ETV6: variants seen among roughly 807,000 people sequenced by gnomAD.
ETV6 encodes the protein transcription factor ETV6.
A neutral mutation model predicts 51.1 loss-of-function variants in ETV6; 16 were observed. That is an observed-to-expected ratio of 0.31 (90% CI 0.21 to 0.48). The LOEUF (loss-of-function observed/expected upper bound fraction) is 0.48. Ranked by LOEUF, ETV6 falls within the 20% of genes least tolerant of loss-of-function variation. The pLI, the probability that ETV6 is intolerant of heterozygous loss-of-function variation, is 0.99. For synonymous variants in ETV6, 240 were observed against 224.1 expected (o/e 1.07, Z -0.64); for missense variants, 458 against 594.8 (o/e 0.77, Z 2.39).
At chr12:11,793,744 G>C (rs1230118345) in intron 2 of ETV6, among the ~76,000 whole-genome samples, 2 of 152,162 alleles carry the variant, frequency 1.3e-5, no homozygotes, top group Non-Finnish European at 2.9e-5. Context: ...TAGTTACCTT[G>C]CGTAGCGCTA....
intron 4 of ETV6, among the ~76,000 whole-genome samples, chr12:11,864,103 C>T (rs1946757918): frequency 6.6e-6 from 1 of 152,242 alleles, no homozygotes; most frequent in Non-Finnish European, 1.5e-5. Context: ...ATCCAAAGCA[C>T]TATCACCCTC....
chr12:11,662,011 A>C (rs1864109011), intron 1 of ETV6, among the ~76,000 whole-genome samples: 1 of 152,184 alleles, frequency 6.6e-6, no homozygotes, highest in South Asian at 2.1e-4. Context: ...ACTTTCGCCG[A>C]GACAGGCAGG....
chr12:11,658,680 GTCAC>G lies in ETV6; in HGVS notation c.33+8524_33+8527del, dbSNP rs780758069. Among the ~76,000 whole-genome samples the G allele has an allele frequency of 5.9e-5, 9 of 152,220 alleles. No individual in the cohort carries two copies. The South Asian group carries it at 6.2e-4, about 11-fold the overall frequency. ...CCATTGAGTTGTTCACAGGGCTGGG[GTCAC>G]TCAGTCAGTGCTCAAAAAAGCTCTT... On this transcript the variant is annotated intron_variant, in intron 1 of 7. Coordinates refer to ENST00000396373, the MANE Select transcript of ETV6 (RefSeq NM_001987.5).
At chr12:11,695,653 G>A (rs1328512754) in intron 1 of ETV6, among the ~76,000 whole-genome samples, 1 of 152,224 alleles carries the variant, frequency 6.6e-6, no homozygotes, top group Non-Finnish European at 1.5e-5. Flanking sequence ...AGATTTTGAG[G>A]AGTTTCCAGC....
intron 2 of ETV6, among the ~76,000 whole-genome samples, chr12:11,827,549 G>GC: frequency 6.6e-6 from 1 of 151,930 alleles, no homozygotes; most frequent in East Asian, 1.9e-4. Context: ...CCCGCGCCCT[G>GC]CCCCCACACC....
intron 6 of ETV6, 136 bp downstream of exon 6, chr12:11,884,723 C>A: frequency 9.2e-7 from 1 of 1,083,402 alleles, no homozygotes. Context: ...GCTGGGCAAG[C>A]AATTAGGCAG....
intron 1 of ETV6, among the ~76,000 whole-genome samples, chr12:11,685,827 AAAG>A (rs1178146478): frequency 6.6e-6 from 1 of 152,222 alleles, no homozygotes; most frequent in Non-Finnish European, 1.5e-5. Flanking sequence ...TCAGCCATTA[AAAG>A]AAGAATTTGA....
At chr12:11,666,852 A>ATT (rs1310450819) in intron 1 of ETV6, among the ~76,000 whole-genome samples, 3 of 152,162 alleles carry the variant, frequency 2.0e-5, no homozygotes, top group Admixed American at 2.0e-4. Flanking sequence ...GCCCTGCCAG[A>ATT]TTTGACTTCA....
At position 11,869,438 on chromosome 12, in the gene ETV6, A is replaced by C; in HGVS notation, c.478A>C (p.Arg160=). 6.2e-7 allele frequency: 1 copy of C among 1,610,144 alleles called. No individual in the cohort carries two copies. Among genetic ancestry groups the C allele is most frequent in the South Asian group, 1.1e-5 (1 of 90,430 alleles). The change falls in exon 5 of 8, where the codon AGG becomes CGG. Residue 160 remains arginine (R), a synonymous_variant. Coordinates refer to ENST00000396373, the MANE Select transcript of ETV6 (RefSeq NM_001987.5). This position sits in a 1 kb window ranked among gnomAD's most constrained non-coding sequence, Gnocchi z 5.0. The part of the protein sequence containing the change: ...QNHEEDNCVQ[R]TPRPSVDNVH... Reference sequence around the variant, plus strand: ...CTGCTCCACAGATAACTGTGTCCAGAGGACCCCCAGGCCATCCGTGGATAA... The same window carrying C: ...CTGCTCCACAGATAACTGTGTCCAGCGGACCCCCAGGCCATCCGTGGATAA...
intron 1 of ETV6, among the ~76,000 whole-genome samples, chr12:11,717,543 C>T (rs1021222085): frequency 6.6e-6 from 1 of 152,186 alleles, no homozygotes; most frequent in Non-Finnish European, 1.5e-5. Context: ...CATGTGTGTG[C>T]ATAAGGAACA....
At chr12:11,884,044 A>G (rs577351066) in intron 5 of ETV6, among the ~76,000 whole-genome samples, 101 of 152,280 alleles carry the variant, frequency 6.6e-4, no homozygotes, top group Admixed American at 1.0e-3. Context: ...TGTAACCATC[A>G]GGACCCTCTT....
At chr12:11,845,432 T>G (rs1206064062) in intron 3 of ETV6, among the ~76,000 whole-genome samples, 1 of 152,220 alleles carries the variant, frequency 6.6e-6, no homozygotes, top group Non-Finnish European at 1.5e-5. Context: ...TATCTCACCT[T>G]ATAGTCCATA....
intron 3 of ETV6, among the ~76,000 whole-genome samples, chr12:11,851,727 A>T (rs1018380177): frequency 6.6e-6 from 1 of 152,256 alleles, no homozygotes. Context: ...AGTGGCAGAA[A>T]GTTATACTAA....
At chr12:11,691,837 C>T (rs1361143091) in intron 1 of ETV6, among the ~76,000 whole-genome samples, 1 of 152,204 alleles carries the variant, frequency 6.6e-6, no homozygotes, top group Non-Finnish European at 1.5e-5. Context: ...CAGTTGTCCA[C>T]GTGCAAAAGA....
In ETV6 at chr12:11,700,772, T is replaced by A. The variant is rs2954982; in HGVS notation, c.33+50612T>A. Among the ~76,000 whole-genome samples, 10 of 152,208 alleles carry A rather than the reference T, an allele frequency of 6.6e-5. No homozygotes were observed. In the East Asian group the frequency reaches 9.6e-4, roughly 15 times the overall value. The stretch of plus-strand genomic sequence containing the variant: ...TGAGTAGGCTGAAGAGGGCTTGGTC[T>A]TGCTGTCTCAGGGTGGCAGAGGTGG... On this transcript the variant is annotated intron_variant, in intron 1 of 7. Transcript: ENST00000396373.
At chr12:11,874,383 A>T (rs2136555207) in intron 5 of ETV6, among the ~76,000 whole-genome samples, 1 of 147,254 alleles carries the variant, frequency 6.8e-6, no homozygotes. Context: ...TCTCAAAAAA[A>T]AAAAAAATGT....
chr12:11,668,186 A>G (rs1864232190), intron 1 of ETV6, among the ~76,000 whole-genome samples: 1 of 141,898 alleles, frequency 7.0e-6, no homozygotes, highest in African/African-American at 2.6e-5. Flanking sequence ...CATTGTTTTC[A>G]GTTGAAATTG....
chr12:11,698,791 T>C (rs1026150635), intron 1 of ETV6, among the ~76,000 whole-genome samples: 1 of 152,216 alleles, frequency 6.6e-6, no homozygotes, highest in Non-Finnish European at 1.5e-5. Flanking sequence ...GAATAACAAT[T>C]TATTAATTGT....
intron 2 of ETV6, among the ~76,000 whole-genome samples, chr12:11,825,246 A>C (rs985362053): frequency 2.6e-5 from 4 of 152,380 alleles, no homozygotes; most frequent in Admixed American, 1.3e-4. Context: ...CATTTCAGAA[A>C]TGAAGAGTTA....
Sources: gnomAD v4.1 joint callset for allele counts (sites outside exome capture counted in the v4.1 genomes callset) on GRCh38, gnomAD v4.1.1 for gene constraint, Gnocchi (gnomAD v3.1) non-coding constraint, MANE v1.5 for transcripts, NCBI Gene and HGNC (gene_info 2026-07-23, HGNC 2026-07-21) for gene names.